ASAP1: variants seen among roughly 807,000 people sequenced by gnomAD.
ASAP1 encodes ArfGAP with SH3 domain, ankyrin repeat and PH domain 1.
A neutral mutation model predicts 145.2 loss-of-function variants in ASAP1; 43 were observed. That is an observed-to-expected ratio of 0.30 (90% CI 0.23 to 0.38). The LOEUF (loss-of-function observed/expected upper bound fraction) is 0.38. Ranked by LOEUF, ASAP1 falls within the 10% of genes least tolerant of loss-of-function variation. The pLI is 1.00. For synonymous variants in ASAP1, 546 were observed against 515.5 expected, an observed-to-expected ratio of 1.06 and a Z score of -0.80; for missense variants, 1,018 against 1,355.3, an observed-to-expected ratio of 0.75 and a Z score of 3.91.
chr8:130,374,800 A>T (rs886236343), intron 2 of ASAP1, among the ~76,000 whole-genome samples: 2 of 152,222 alleles, frequency 1.3e-5, no homozygotes, highest in East Asian at 3.8e-4. Context: ...AGCCCAGTGC[A>T]TCCAGCTTCT....
chr8:130,273,360 C>T (rs1820694490), intron 3 of ASAP1, among the ~76,000 whole-genome samples: 1 of 152,128 alleles, frequency 6.6e-6, no homozygotes, highest in Admixed American at 6.6e-5. Context: ...CGGTCCCTCC[C>T]AAGGCAGGGT....
At chr8:130,135,632 G>A (rs1188681413) in intron 14 of ASAP1, among the ~76,000 whole-genome samples, 1 of 152,220 alleles carries the variant, frequency 6.6e-6, no homozygotes, top group Non-Finnish European at 1.5e-5. Context: ...CTTGGAGTCT[G>A]AGTTTTTTCT....
At chr8:130,391,351 T>C (rs1828275779) in intron 2 of ASAP1, among the ~76,000 whole-genome samples, 1 of 152,208 alleles carries the variant, frequency 6.6e-6, no homozygotes, top group South Asian at 2.1e-4. Context: ...ATTCTGGAGA[T>C]GGATTTCGCG....
chr8:130,329,654 C>T (rs1303986101), intron 3 of ASAP1, among the ~76,000 whole-genome samples: 1 of 152,206 alleles, frequency 6.6e-6, no homozygotes, highest in African/African-American at 2.4e-5. Flanking sequence ...CAGGTATTCT[C>T]AAGCTAAAGT....
At chr8:130,361,787 G>A (rs764413604) in intron 2 of ASAP1, 11 of 1,501,202 alleles carry the variant, frequency 7.3e-6, no homozygotes, top group Non-Finnish European at 9.0e-6. Context: ...AGCAAATAGA[G>A]ACTGACATGG....
intron 3 of ASAP1, among the ~76,000 whole-genome samples, chr8:130,261,168 A>G (rs1425145091): frequency 2.0e-5 from 3 of 152,212 alleles, no homozygotes; most frequent in Non-Finnish European, 4.4e-5. Context: ...TCATATTCCA[A>G]GGATCCCACT....
At chr8:130,178,643 A>ATAGGCC (rs1432747195) in intron 9 of ASAP1, among the ~76,000 whole-genome samples, 1 of 151,988 alleles carries the variant, frequency 6.6e-6, no homozygotes, top group Non-Finnish European at 1.5e-5. Context: ...TGGTGCAATA[A>ATAGGCC]TAGGCCAAGG....
chr8:130,179,734 T>C (rs183470914), intron 8 of ASAP1, among the ~76,000 whole-genome samples: 48 of 152,182 alleles, frequency 3.2e-4, no homozygotes, highest in Non-Finnish European at 4.7e-4. Flanking sequence ...CCATAGGATA[T>C]TGAAACTTTA....
At position 130,358,609 on chromosome 8, in the gene ASAP1, C is replaced by T. The variant is rs1364066060; in HGVS notation, c.60-466G>A. ...GCCTGACTGACTGAGCGCACACTCC[C>T]GCGGCGGGCGGGCGGGCGGGCGGCG... is the stretch of plus-strand genomic sequence containing the variant. On this transcript the variant is annotated intron_variant, in intron 2 of 29. Transcript: ENST00000518721. The surrounding 1 kb of genome is among the most constrained non-coding windows in gnomAD (Gnocchi z 4.1). Among the ~76,000 whole-genome samples the T allele has an allele frequency of 6.9e-6, 1 of 145,070 alleles. No individual in the cohort carries two copies. The highest frequency in any genetic ancestry group is 1.5e-5 in the Non-Finnish European group (1 of 65,564).
chr8:130,100,690 C>T (rs1181010704), intron 24 of ASAP1, among the ~76,000 whole-genome samples: 5 of 152,046 alleles, frequency 3.3e-5, no homozygotes, highest in African/African-American at 4.8e-5. Context: ...ATCACATTAT[C>T]ATTATTATTT....
chr8:130,348,975 C>T (rs1825846547), intron 3 of ASAP1, among the ~76,000 whole-genome samples: 1 of 152,208 alleles, frequency 6.6e-6, no homozygotes, highest in Non-Finnish European at 1.5e-5. Context: ...ATGGAGAGGA[C>T]TCGACGAGTG....
intron 4 of ASAP1, among the ~76,000 whole-genome samples, chr8:130,217,905 T>C (rs1817035243): frequency 6.6e-6 from 1 of 152,018 alleles, no homozygotes; most frequent in African/African-American, 2.4e-5. Flanking sequence ...AGGAAACAAG[T>C]GTCACAGCAG....
At chr8:130,162,692 C>G (rs923908914) in intron 11 of ASAP1, among the ~76,000 whole-genome samples, 2 of 152,028 alleles carry the variant, frequency 1.3e-5, no homozygotes, top group Non-Finnish European at 2.9e-5. Flanking sequence ...GTGGCGGGCG[C>G]CTGTACTCCC....
intron 18 of ASAP1, among the ~76,000 whole-genome samples, chr8:130,122,303 G>A (rs1454567083): frequency 6.6e-6 from 1 of 152,188 alleles, no homozygotes; most frequent in African/African-American, 2.4e-5. Flanking sequence ...TGTATCTTCA[G>A]CACCTACAAG....
At chr8:130,126,530 A>G (rs531776208) in intron 16 of ASAP1, among the ~76,000 whole-genome samples, 2 of 152,320 alleles carry the variant, frequency 1.3e-5, no homozygotes, top group Non-Finnish European at 2.9e-5. Context: ...CTTCTTAGTA[A>G]TAAGACAGCT....
At chr8:130,160,544 T>C (rs1172536005) in intron 11 of ASAP1, among the ~76,000 whole-genome samples, 1 of 117,892 alleles carries the variant, frequency 8.5e-6, no homozygotes, top group Admixed American at 8.2e-5. Flanking sequence ...CAGTGAAAAG[T>C]GTTATGATGT....
chr8:130,386,426 G>A (rs1055626435), intron 2 of ASAP1, among the ~76,000 whole-genome samples: 2 of 152,122 alleles, frequency 1.3e-5, no homozygotes, highest in Non-Finnish European at 2.9e-5. Context: ...GCCTGCCCCC[G>A]CTCCCACACC....
intron 4 of ASAP1, among the ~76,000 whole-genome samples, chr8:130,233,653 C>T (rs1035725377): frequency 2.0e-5 from 3 of 152,190 alleles, no homozygotes; most frequent in Admixed American, 6.5e-5. Context: ...TCACCCTTTG[C>T]ACTTTGTAAG....
intron 3 of ASAP1, among the ~76,000 whole-genome samples, chr8:130,247,739 C>T (rs1208420289): frequency 1.3e-5 from 2 of 152,166 alleles, no homozygotes; most frequent in African/African-American, 4.8e-5. Context: ...TCACATAGGT[C>T]TATCTGCTAA....
Sources: allele counts gnomAD v4.1 joint callset (sites outside exome capture counted in the v4.1 genomes callset), GRCh38; gene constraint gnomAD v4.1.1; non-coding constraint Gnocchi (gnomAD v3.1); transcripts MANE v1.5; gene names NCBI Gene and HGNC (gene_info 2026-07-23, HGNC 2026-07-21).